Variants in MAGI1 observed in about 807,000 individuals in gnomAD.
The protein encoded by MAGI1 is membrane associated guanylate kinase, WW and PDZ domain containing 1.
A neutral mutation model predicts 139.9 loss-of-function variants in MAGI1; 58 were observed. The observed-to-expected ratio is 0.41, with a 90% CI of 0.34 to 0.52. The LOEUF (loss-of-function observed/expected upper bound fraction) is 0.52. Ranked by LOEUF, MAGI1 falls within the 20% of genes least tolerant of loss-of-function variation. The pLI is 0.12. For missense variants in MAGI1, 1,874 were observed against 1,901.6 expected (o/e 0.99, Z 0.27); for synonymous variants, 812 against 737.9 (o/e 1.10, Z -1.63).
intron 1 of MAGI1, among the ~76,000 whole-genome samples, chr3:65,720,353 G>A (rs905810594): frequency 1.3e-5 from 2 of 152,144 alleles, no homozygotes; most frequent in Non-Finnish European, 2.9e-5. Flanking sequence ...GTTACCCAGT[G>A]TATGCCCCAT....
At chr3:65,723,172 TAAG>T (rs2033236027) in intron 1 of MAGI1, among the ~76,000 whole-genome samples, 2 of 152,062 alleles carry the variant, frequency 1.3e-5, no homozygotes, top group African/African-American at 4.8e-5. Flanking sequence ...CTAGATGAAC[TAAG>T]AAGAGACACA....
At chr3:65,372,487 G>T (rs1942097603) in intron 18 of MAGI1, among the ~76,000 whole-genome samples, 1 of 152,214 alleles carries the variant, frequency 6.6e-6, no homozygotes, top group Admixed American at 6.5e-5. Context: ...AGGATTTTCA[G>T]AATAGCCAGA....
intron 2 of MAGI1, among the ~76,000 whole-genome samples, chr3:65,581,126 A>G (rs1378912523): frequency 6.6e-6 from 1 of 152,092 alleles, no homozygotes; most frequent in Admixed American, 6.6e-5. Context: ...TGCAAGCCTC[A>G]TAACTGGTCT....
At chr3:66,019,851 G>C (rs1193948587) in intron 1 of MAGI1, among the ~76,000 whole-genome samples, 1 of 152,132 alleles carries the variant, frequency 6.6e-6, no homozygotes, top group African/African-American at 2.4e-5. Context: ...CAGAAGTGGG[G>C]ATCAGTTGGT....
intron 1 of MAGI1, among the ~76,000 whole-genome samples, chr3:65,890,308 T>C (rs2060696267): frequency 6.6e-6 from 1 of 152,150 alleles, no homozygotes; most frequent in Non-Finnish European, 1.5e-5. Flanking sequence ...GAGCTTGCAG[T>C]GAGCAGAGAT....
intron 1 of MAGI1, among the ~76,000 whole-genome samples, chr3:65,700,237 T>A: frequency 6.6e-6 from 1 of 151,202 alleles, no homozygotes. Flanking sequence ...AGGTCAGGAG[T>A]TCAAGACCAG....
chr3:65,622,184 A>C (rs2083710375), intron 1 of MAGI1, 96 bp from the exon 2 acceptor site: 2 of 861,506 alleles, frequency 2.3e-6, no homozygotes, highest in African/African-American at 3.3e-5. Flanking sequence ...CACAGGATGC[A>C]GTTCTAGCCT....
Position 65,622,087 on chromosome 3 carries a change from T to C in MAGI1, c.315A>G (p.Gly105=). The C allele has an allele frequency of 6.2e-7, 1 of 1,606,424 alleles. No individual in the cohort carries two copies. Among genetic ancestry groups the C allele is most frequent in the Non-Finnish European group, 8.5e-7 (1 of 1,173,112 alleles). The part of the protein sequence containing the change: ...EAVTFKAVRQ[G]GRLNKDLRHF... ...GTCGCAGGTCCTTGTTCAGCCTTCC[T>C]CCTGCAGGAAATACATAAAATAGAC... Residue 105 remains glycine (G), a splice_region_variant and synonymous_variant, in exon 2 of 23, where the codon GGA becomes GGG. Coordinates refer to ENST00000402939, the MANE Select transcript of MAGI1 (RefSeq NM_001033057.2).
intron 14 of MAGI1, among the ~76,000 whole-genome samples, chr3:65,386,130 C>CA (rs1165492706): frequency 6.6e-6 from 1 of 152,022 alleles, no homozygotes; most frequent in Non-Finnish European, 1.5e-5. Flanking sequence ...GCCCATCCTA[C>CA]AGTGACACCA....
intron 2 of MAGI1, among the ~76,000 whole-genome samples, chr3:65,599,674 A>G (rs2106826239): frequency 6.6e-6 from 1 of 152,370 alleles, no homozygotes; most frequent in East Asian, 1.9e-4. Flanking sequence ...AATGTCACCT[A>G]TCACTACTGC....
At chr3:65,605,548 A>G (rs1226121222) in intron 2 of MAGI1, among the ~76,000 whole-genome samples, 3 of 152,166 alleles carry the variant, frequency 2.0e-5, no homozygotes, top group Non-Finnish European at 2.9e-5. Flanking sequence ...AATGATGGAG[A>G]GCCTAACAGT....
At chr3:65,970,041 T>C (rs577182936) in intron 1 of MAGI1, among the ~76,000 whole-genome samples, 15 of 152,066 alleles carry the variant, frequency 9.9e-5, no homozygotes, top group African/African-American at 3.1e-4. Context: ...GTTCCACCCA[T>C]AGGAAAAATG....
intron 1 of MAGI1, among the ~76,000 whole-genome samples, chr3:65,767,949 TG>T (rs1323148665): frequency 1.3e-5 from 2 of 152,236 alleles, no homozygotes; most frequent in Non-Finnish European, 2.9e-5. Flanking sequence ...CCATTCTGCA[TG>T]CCCAATGGAG....
chr3:65,501,123 G>C (rs964099376), intron 2 of MAGI1, among the ~76,000 whole-genome samples: 1 of 152,022 alleles, frequency 6.6e-6, no homozygotes, highest in Non-Finnish European at 1.5e-5. Flanking sequence ...AAATCAAACT[G>C]CCTTTTGTGG....
At chr3:65,538,459 A>C (rs1436323746) in intron 2 of MAGI1, among the ~76,000 whole-genome samples, 1 of 152,182 alleles carries the variant, frequency 6.6e-6, no homozygotes, top group Non-Finnish European at 1.5e-5. Context: ...CATTTTTCTC[A>C]TGTGTTCAGC....
At chr3:65,840,720 A>G (rs1332844513) in intron 1 of MAGI1, among the ~76,000 whole-genome samples, 1 of 151,896 alleles carries the variant, frequency 6.6e-6, no homozygotes, top group Admixed American at 6.6e-5. Flanking sequence ...TTCATGAGGG[A>G]TATTGTTCTG....
intron 1 of MAGI1, among the ~76,000 whole-genome samples, chr3:65,889,504 C>G (rs1234506119): frequency 6.6e-6 from 1 of 152,164 alleles, no homozygotes; most frequent in African/African-American, 2.4e-5. Flanking sequence ...TTGAATACCA[C>G]TGGTGACGTT....
chr3:65,716,249 T>C (rs1041035361), intron 1 of MAGI1, among the ~76,000 whole-genome samples: 3 of 152,218 alleles, frequency 2.0e-5, no homozygotes, highest in East Asian at 1.9e-4. Flanking sequence ...GGGACTGTTG[T>C]GTATGCTACA....
intron 1 of MAGI1, among the ~76,000 whole-genome samples, chr3:65,939,208 CTTTCTA>C (rs1157596053): frequency 6.6e-6 from 1 of 152,096 alleles, no homozygotes; most frequent in East Asian, 1.9e-4. Flanking sequence ...CATGAAGAGT[CTTTCTA>C]TTTCCCTTTT....
Sources: allele counts gnomAD v4.1 joint callset (sites outside exome capture counted in the v4.1 genomes callset), GRCh38; gene constraint gnomAD v4.1.1; transcripts MANE v1.5; gene names NCBI Gene and HGNC (gene_info 2026-07-23, HGNC 2026-07-21).